CFTR: variants seen among roughly 807,000 people sequenced by gnomAD.
The protein encoded by CFTR is cystic fibrosis transmembrane conductance regulator.
CFTR carries 181 observed loss-of-function variants against 171.6 expected under a neutral mutation model. That is an observed-to-expected ratio of 1.05 (90% CI 0.93 to 1.19). The LOEUF is 1.19. Ranked by LOEUF, CFTR falls within the 50% of genes most tolerant of loss-of-function variation. The pLI, the probability that CFTR is intolerant of heterozygous loss-of-function variation, is 0.00. For synonymous variants in CFTR, 583 were observed against 608.0 expected (o/e 0.96, Z 0.60); for missense variants, 1,968 against 1,734.7 (o/e 1.13, Z -2.39).
intron 21 of CFTR, among the ~76,000 whole-genome samples, chr7:117,618,851 AT>A (rs1475256849): frequency 6.6e-6 from 1 of 152,186 alleles, no homozygotes; most frequent in Non-Finnish European, 1.5e-5. Context: ...CACCCCTGCA[AT>A]TTAAAAAATA....
intron 18 of CFTR, among the ~76,000 whole-genome samples, chr7:117,607,086 A>T (rs1792311094): frequency 6.6e-6 from 1 of 152,056 alleles, no homozygotes; most frequent in Non-Finnish European, 1.5e-5. Flanking sequence ...TCACTATTTG[A>T]TGGAAGCCAA....
At chr7:117,655,505 C>T (rs908312060) in intron 24 of CFTR, among the ~76,000 whole-genome samples, 5 of 152,144 alleles carry the variant, frequency 3.3e-5, no homozygotes, top group South Asian at 4.1e-4. Context: ...CTTAGGTATT[C>T]GGTAAGAAGA....
intron 2 of CFTR, among the ~76,000 whole-genome samples, chr7:117,508,189 T>C (rs1584775991): frequency 1.3e-5 from 2 of 152,242 alleles, no homozygotes; most frequent in South Asian, 2.1e-4. Context: ...TAGTTCTTCC[T>C]TGTGGTTCAT....
chr7:117,505,479 T>C (rs1401843022), intron 2 of CFTR, among the ~76,000 whole-genome samples: 1 of 152,218 alleles, frequency 6.6e-6, no homozygotes, highest in African/African-American at 2.4e-5. Flanking sequence ...ATTTGCCTTA[T>C]GCTGGTTTTA....
chr7:117,523,804 G>T (rs1382676900), intron 3 of CFTR, among the ~76,000 whole-genome samples: 5 of 152,288 alleles, frequency 3.3e-5, no homozygotes, highest in African/African-American at 1.2e-4. Flanking sequence ...AAAGTCTATT[G>T]TGATCTGGAA....
chr7:117,592,287 C>G lies in CFTR; in HGVS notation c.2120C>G (p.Ser707Cys), dbSNP rs1395267446. Residue 707 changes from serine (S) to cysteine (C), a missense_variant, in exon 14 of 27, where the codon TCT (serine) becomes TGT (cysteine). Ser to Cys is a moderately radical substitution (Grantham distance 112, BLOSUM62 -1). Transcript: ENST00000003084. ...RKNSILNPIN[S>C]IRKFSIVQKT... ...AATTCTATTCTCAATCCAATCAACT[C>G]TATACGAAAATTTTCCATTGTGCAA... is the stretch of plus-strand genomic sequence containing the variant. 2 of 1,614,026 alleles carry G rather than the reference C, an allele frequency of 1.2e-6. No homozygotes were observed. The highest frequency in any genetic ancestry group is 1.7e-6 in the Non-Finnish European group (2 of 1,180,020).
Position 117,587,735 on chromosome 7 carries a change from A to G in CFTR, c.1585-4A>G, listed in dbSNP as rs1476701026. The G allele has an allele frequency of 2.5e-6, 4 of 1,578,238 alleles. No individual in the cohort carries two copies. The South Asian group carries it at 4.4e-5, about 17-fold the overall frequency. ...ACTCTCTAATTTTCTATTTTTGGTA[A>G]TAGGACATCTCCAAGTTTGCAGAGA... On this transcript the variant is annotated splice_polypyrimidine_tract_variant and splice_region_variant and intron_variant, in intron 11 of 26. Transcript: ENST00000003084.
At chr7:117,636,600 T>C (rs1361927577) in intron 22 of CFTR, among the ~76,000 whole-genome samples, 1 of 152,120 alleles carries the variant, frequency 6.6e-6, no homozygotes, top group African/African-American at 2.4e-5. Context: ...TCCTTCGCAT[T>C]TCAGTGTTGG....
chr7:117,648,175 A>G lies in CFTR; in HGVS notation c.3874-4667A>G, dbSNP rs1425292867. Reference sequence around the variant, plus strand: ...TATATACACGCACACACACACACACAAATATATATATTTCCCTTCTGAGAC... The same window carrying G: ...TATATACACGCACACACACACACACGAATATATATATTTCCCTTCTGAGAC... On this transcript the variant is annotated intron_variant, in intron 23 of 26. Coordinates refer to ENST00000003084, the MANE Select transcript of CFTR (RefSeq NM_000492.4). Among the ~76,000 whole-genome samples, 3 of 151,656 alleles carry G rather than the reference A, an allele frequency of 2.0e-5. No homozygotes were observed. In the East Asian group the frequency reaches 5.8e-4, roughly 29 times the overall value.
intron 10 of CFTR, among the ~76,000 whole-genome samples, chr7:117,557,518 C>A (rs892615977): frequency 1.1e-4 from 16 of 151,956 alleles, no homozygotes; most frequent in African/African-American, 3.6e-4. Flanking sequence ...ACATTTCTCC[C>A]TGTTATTCCT....
At position 117,603,640 on chromosome 7, in the gene CFTR, A is replaced by G. The variant is rs762906556; in HGVS notation, c.2766A>G (p.Val922=). ...ATGTGTTTTACATTTACGTGGGAGT[A>G]GCCGACACTTTGCTTGCTATGGGAT... ...SYYVFYIYVG[V]ADTLLAMGFF... The change falls in exon 17 of 27, where the codon GTA becomes GTG. Residue 922 remains valine, a synonymous_variant. Transcript: ENST00000003084. 6.2e-6 allele frequency: 10 copies of G among 1,614,016 alleles called. No individual in the cohort carries two copies. The Admixed American group carries it at 6.7e-5, about 11-fold the overall frequency.
In CFTR at chr7:117,508,968, G is replaced by C. The variant is rs1798466336; in HGVS notation, c.165-66G>C. ...ACTTGTGTGAATCAAACTATGTTAA[G>C]GGAAATAGGACAACTAAAATATTTG... On this transcript the variant is annotated intron_variant, in intron 2 of 26. Transcript: ENST00000003084. 1.2e-5 allele frequency: 12 copies of C among 983,258 alleles called. No individual in the cohort carries two copies. In the South Asian group the frequency reaches 1.5e-4, roughly 13 times the overall value. The allele number at this position is 983,258 out of a possible 1,614,324, so 60.9% of individuals were successfully genotyped here.
chr7:117,603,432 A>G, intron 16 of CFTR, 100 bp from the exon 17 acceptor site: 2 of 1,348,154 alleles, frequency 1.5e-6, no homozygotes, highest in Non-Finnish European at 2.1e-6. Flanking sequence ...AATGCAAAAT[A>G]TTGTATTTAT....
chr7:117,521,558 C>T (rs1798686741), intron 3 of CFTR, among the ~76,000 whole-genome samples: 1 of 151,982 alleles, frequency 6.6e-6, no homozygotes, highest in Non-Finnish European at 1.5e-5. Flanking sequence ...ATAGGTTCTT[C>T]TGTATTCTTT....
chr7:117,584,587 T>C (rs760195795), intron 11 of CFTR, among the ~76,000 whole-genome samples: 3 of 152,342 alleles, frequency 2.0e-5, no homozygotes, highest in Non-Finnish European at 2.9e-5. Flanking sequence ...TGTAGTATAA[T>C]TTGAAGTCGG....
At chr7:117,550,355 A>G (rs181630561) in intron 10 of CFTR, among the ~76,000 whole-genome samples, 1 of 152,196 alleles carries the variant, frequency 6.6e-6, no homozygotes, top group Non-Finnish European at 1.5e-5. Context: ...TGGTGTTTGC[A>G]ATGCTAATAA....
chr7:117,644,803 T>C (rs1191243616), intron 23 of CFTR, among the ~76,000 whole-genome samples: 1 of 152,158 alleles, frequency 6.6e-6, no homozygotes, highest in Non-Finnish European at 1.5e-5. Context: ...AGGTGGAGCC[T>C]CCTTTAATTT....
At chr7:117,581,801 A>G (rs1791853422) in intron 11 of CFTR, among the ~76,000 whole-genome samples, 1 of 152,050 alleles carries the variant, frequency 6.6e-6, no homozygotes, top group African/African-American at 2.4e-5. Flanking sequence ...CCCAGGCTGG[A>G]GTGCAATGGA....
chr7:117,554,625 G>A (rs139454545), intron 10 of CFTR, among the ~76,000 whole-genome samples: 3 of 152,168 alleles, frequency 2.0e-5, no homozygotes, highest in Non-Finnish European at 2.9e-5. Context: ...GGGTGTAGGG[G>A]TTAGCCTAAG....
Sources: gnomAD v4.1 joint callset for allele counts (sites outside exome capture counted in the v4.1 genomes callset) on GRCh38, gnomAD v4.1.1 for gene constraint, MANE v1.5 for transcripts, NCBI Gene and HGNC (gene_info 2026-07-23, HGNC 2026-07-21) for gene names.